ZNF705A: variants seen among roughly 807,000 people sequenced by gnomAD.
ZNF705A encodes the protein zinc finger protein 705A.
Under a neutral mutation model 16.6 loss-of-function variants are expected in ZNF705A, and 8 were observed. The observed-to-expected ratio is 0.48, with a 90% CI of 0.28 to 0.87. The LOEUF (loss-of-function observed/expected upper bound fraction) is 0.87, where lower values mean the gene tolerates loss of function less well. ZNF705A is among the 40% of genes least tolerant of loss of function. The probability of loss-of-function intolerance (pLI) is 0.10; values close to 1 mark genes in which losing one functional copy is unlikely to be tolerated. For synonymous variants in ZNF705A, 73 were observed against 117.3 expected, an observed-to-expected ratio of 0.62 and a Z score of 2.44; for missense variants, 233 against 359.9, an observed-to-expected ratio of 0.65 and a Z score of 2.85.
chr12:8,163,441 A>G (rs937508684), intron 1 of ZNF705A, among the ~76,000 whole-genome samples: 1 of 152,234 alleles, frequency 6.6e-6, no homozygotes, highest in African/African-American at 2.4e-5. Context: ...CTTTAAATAG[A>G]GTAACCATAC....
intron 4 of ZNF705A, among the ~76,000 whole-genome samples, chr12:8,176,194 C>T (rs1040315769): frequency 1.4e-4 from 22 of 152,280 alleles, no homozygotes; most frequent in African/African-American, 5.1e-4. Flanking sequence ...GATATCATCA[C>T]AATTATGCAA....
upstream of ZNF705A, among the ~76,000 whole-genome samples, chr12:8,172,311 A>G (rs749242177): frequency 6.6e-6 from 1 of 151,730 alleles, no homozygotes; most frequent in Non-Finnish European, 1.5e-5. Context: ...ATTAACATAC[A>G]AAACTCCGTG....
chr12:8,174,812 A>G (rs970777145), intron 2 of ZNF705A, among the ~76,000 whole-genome samples: 4 of 152,200 alleles, frequency 2.6e-5, no homozygotes, highest in Non-Finnish European at 5.9e-5. Context: ...GCTGAGACCA[A>G]TTAGTGAAAA....
chr12:8,157,053 G>T (rs1948316082), exon 1 of ZNF705A: 1 of 398,030 alleles, frequency 2.5e-6, no homozygotes, highest in Non-Finnish European at 4.4e-6. Context: ...ATTGCAAGGG[G>T]TTTTTCCTGA....
At chr12:8,158,672 C>T (rs143083020) in intron 1 of ZNF705A, among the ~76,000 whole-genome samples, 124 of 151,930 alleles carry the variant, frequency 8.2e-4, no homozygotes, top group Admixed American at 1.5e-3. Flanking sequence ...AAAATTGATG[C>T]GTCAAATGGC....
At chr12:8,176,078 T>C in intron 4 of ZNF705A, 136 bp downstream of exon 5, 1 of 1,381,184 alleles carries the variant, frequency 7.2e-7, no homozygotes. Context: ...AATTGAATAC[T>C]TTGAATTTAG....
At chr12:8,177,052 T>C (rs1257577714) in exon 5 of ZNF705A, 1 of 1,610,924 alleles carries the variant, frequency 6.2e-7, no homozygotes, top group East Asian at 2.2e-5. Context: ...CGGGAGAAGA[T>C]TGCACTCACA....
chr12:8,175,045 A>G (rs1306138773), intron 2 of ZNF705A, among the ~76,000 whole-genome samples, 183 bp from the exon 4 acceptor site: 1 of 152,078 alleles, frequency 6.6e-6, no homozygotes, highest in African/African-American at 2.4e-5. Context: ...CCTTTTGTTT[A>G]GATTTATTTT....
At chr12:8,177,381 G>T in exon 5 of ZNF705A, 1 of 1,611,988 alleles carries the variant, frequency 6.2e-7, no homozygotes. Flanking sequence ...CATCAATGTG[G>T]GAAAGCCTTT....
upstream of ZNF705A, among the ~76,000 whole-genome samples, chr12:8,170,761 A>AT (rs1397986193): frequency 6.6e-6 from 1 of 152,244 alleles, no homozygotes; most frequent in Non-Finnish European, 1.5e-5. Flanking sequence ...TGTCAGGTAC[A>AT]TTCATGGAAG....
chr12:8,160,460 G>A (rs1948344358), intron 1 of ZNF705A, among the ~76,000 whole-genome samples: 2 of 152,010 alleles, frequency 1.3e-5, no homozygotes, highest in Admixed American at 6.6e-5. Context: ...ATGAGCATGG[G>A]ATGTGTTTCC....
At chr12:8,160,850 T>C (rs1183015694) in intron 1 of ZNF705A, among the ~76,000 whole-genome samples, 3 of 152,154 alleles carry the variant, frequency 2.0e-5, no homozygotes, top group African/African-American at 4.8e-5. Flanking sequence ...TGGCTAGGAC[T>C]TCCAGTACCA....
chr12:8,170,070 T>C (rs1948432157), upstream of ZNF705A, among the ~76,000 whole-genome samples: 1 of 151,792 alleles, frequency 6.6e-6, no homozygotes, highest in South Asian at 2.1e-4. Flanking sequence ...ATGCCTGTCA[T>C]CCCAGCTACT....
chr12:8,159,703 G>T (rs1252094180), intron 1 of ZNF705A, among the ~76,000 whole-genome samples: 1 of 152,038 alleles, frequency 6.6e-6, no homozygotes, highest in Non-Finnish European at 1.5e-5. Flanking sequence ...ATTTGTTTGA[G>T]TTCGTTGTAG....
upstream of ZNF705A, chr12:8,172,536 G>A (rs780332252): frequency 6.4e-6 from 10 of 1,560,222 alleles, no homozygotes; most frequent in East Asian, 4.5e-5. Context: ...TGTCTCACAT[G>A]TTCTTTCTCC....
At chr12:8,173,170 T>C (rs892628624) in intron 1 of ZNF705A, among the ~76,000 whole-genome samples, 8 of 152,236 alleles carry the variant, frequency 5.3e-5, no homozygotes, top group Non-Finnish European at 1.2e-4. Context: ...CTGTGCAGTG[T>C]TGAGGGAAAA....
At chr12:8,169,775 G>T (rs1232406341), upstream of ZNF705A, among the ~76,000 whole-genome samples, 1 of 152,210 alleles carries the variant, frequency 6.6e-6, no homozygotes, top group East Asian at 1.9e-4. Context: ...CTTCACTAAG[G>T]TGTGTCTAAA....
chr12:8,170,196 C>CAAAAAAA (rs1188328005), upstream of ZNF705A, among the ~76,000 whole-genome samples: 162 of 126,538 alleles, frequency 1.3e-3, 3 homozygotes, highest in Admixed American at 3.4e-3. Flanking sequence ...CCCCCCCCCC[C>CAAAAAAA]AAAAAAAAAA....
At chr12:8,172,810 A>G (rs1948455548) in intron 1 of ZNF705A, among the ~76,000 whole-genome samples, 173 bp downstream of exon 2, 1 of 152,240 alleles carries the variant, frequency 6.6e-6, no homozygotes, top group Admixed American at 6.5e-5. Context: ...GCTTTCAGGT[A>G]TCTGGCCTCC....
Sources: allele counts gnomAD v4.1 joint callset (sites outside exome capture counted in the v4.1 genomes callset), GRCh38; gene constraint gnomAD v4.1.1; transcripts MANE v1.5; gene names NCBI Gene and HGNC (gene_info 2026-07-23, HGNC 2026-07-21).